Variants in ITGBL1 observed in about 807,000 individuals in gnomAD.
ITGBL1 encodes integrin beta-like protein 1.
ITGBL1 carries 51 observed loss-of-function variants against 68.5 expected under a neutral mutation model. The ratio of observed to expected loss-of-function variants is 0.74; its 90% CI spans 0.59 to 0.94. ITGBL1 has a LOEUF of 0.94. Ranked by LOEUF, ITGBL1 falls within the 40% of genes least tolerant of loss-of-function variation. The pLI is 0.00. For missense variants in ITGBL1, 649 were observed against 647.4 expected (o/e 1.00, Z -0.03); for synonymous variants, 209 against 227.3 (o/e 0.92, Z 0.72).
In ITGBL1 at chr13:101,531,545, C is replaced by T. The variant is rs371712338; in HGVS notation, c.317-36154C>T. 4.7e-5 allele frequency among the ~76,000 whole-genome samples: 7 copies of T among 149,954 alleles called. No individual in the cohort carries two copies. The East Asian group carries it at 1.4e-3, about 30-fold the overall frequency. ...CAGAATTGGAAGTAAGACATTTGCACTCGAAAACAGGGGTAGTTGGTTTCT... is the reference window on the plus strand; with the variant it reads ...CAGAATTGGAAGTAAGACATTTGCATTCGAAAACAGGGGTAGTTGGTTTCT... On this transcript the variant is annotated intron_variant, in intron 2 of 10. Coordinates refer to ENST00000376180, the MANE Select transcript of ITGBL1 (RefSeq NM_004791.3).
intron 2 of ITGBL1, among the ~76,000 whole-genome samples, chr13:101,567,362 C>T (rs1227835729): frequency 1.3e-5 from 2 of 151,768 alleles, no homozygotes; most frequent in Non-Finnish European, 2.9e-5. Flanking sequence ...AGTATTTTTT[C>T]GTTGGACTTT....
chr13:101,706,948 A>G (rs771888899), intron 9 of ITGBL1, 46 bp downstream of exon 9: 4 of 1,586,860 alleles, frequency 2.5e-6, no homozygotes, highest in Admixed American at 3.4e-5. Flanking sequence ...GTTCTGACAC[A>G]TGATTTGTAG....
intron 2 of ITGBL1, among the ~76,000 whole-genome samples, chr13:101,468,205 T>C (rs1048973692): frequency 6.6e-6 from 1 of 152,208 alleles, no homozygotes; most frequent in South Asian, 2.1e-4. Flanking sequence ...ATTAGTTATA[T>C]GAGCTCTAAG....
chr13:101,642,949 C>T (rs2032433406), intron 7 of ITGBL1, among the ~76,000 whole-genome samples: 1 of 149,224 alleles, frequency 6.7e-6, no homozygotes, highest in African/African-American at 2.5e-5. Flanking sequence ...CAGTACCATG[C>T]TGTTTTGGTT....
chr13:101,534,758 G>A (rs2049542739), intron 2 of ITGBL1, among the ~76,000 whole-genome samples: 1 of 152,048 alleles, frequency 6.6e-6, no homozygotes, highest in Non-Finnish European at 1.5e-5. Flanking sequence ...GGCCGTAAAG[G>A]GCTTATTAAG....
chr13:101,719,785 G>A (rs544527848), downstream of ITGBL1: 1 of 152,050 alleles, frequency 6.6e-6, no homozygotes, highest in South Asian at 2.1e-4. Context: ...AAATACAAAT[G>A]AATTCCATCA....
intron 2 of ITGBL1, among the ~76,000 whole-genome samples, chr13:101,520,598 A>G (rs2049269094): frequency 6.6e-6 from 1 of 152,182 alleles, no homozygotes; most frequent in African/African-American, 2.4e-5. Flanking sequence ...ATGTTCTTTT[A>G]AAGGATAACC....
chr13:101,502,675 T>C (rs1031570243), intron 2 of ITGBL1, among the ~76,000 whole-genome samples: 100 of 152,356 alleles, frequency 6.6e-4, no homozygotes, highest in African/African-American at 2.3e-3. Context: ...TAATGCCTTG[T>C]TTGGCAATTA....
intron 2 of ITGBL1, among the ~76,000 whole-genome samples, chr13:101,523,075 A>G (rs1164741200): frequency 1.4e-4 from 21 of 152,224 alleles, no homozygotes. Context: ...ATGCTGCTTT[A>G]TGAAAATTCA....
intron 2 of ITGBL1, among the ~76,000 whole-genome samples, chr13:101,540,446 G>A (rs1227729685): frequency 1.3e-5 from 2 of 152,102 alleles, no homozygotes; most frequent in Non-Finnish European, 2.9e-5. Flanking sequence ...TGCTGTTTTG[G>A]TTACTATAGC....
At chr13:101,481,762 T>G (rs9585712) in intron 2 of ITGBL1, among the ~76,000 whole-genome samples, 10,263 of 152,222 alleles carry the variant, frequency 0.067, 525 homozygotes, top group East Asian at 0.28. Flanking sequence ...TCTTTTTATT[T>G]TGAGTTGTAT....
At chr13:101,542,571 T>C (rs1173291104) in intron 2 of ITGBL1, among the ~76,000 whole-genome samples, 1 of 152,178 alleles carries the variant, frequency 6.6e-6, no homozygotes, top group Non-Finnish European at 1.5e-5. Context: ...GTCTATTAGG[T>C]CTGTTTGATG....
At chr13:101,668,761 TATTC>T (rs918103159) in intron 7 of ITGBL1, among the ~76,000 whole-genome samples, 1 of 152,208 alleles carries the variant, frequency 6.6e-6, no homozygotes, top group African/African-American at 2.4e-5. Flanking sequence ...AATTAAGTAA[TATTC>T]ATAAACTGGA....
At chr13:101,468,580 G>T (rs907419024) in intron 2 of ITGBL1, among the ~76,000 whole-genome samples, 1 of 152,102 alleles carries the variant, frequency 6.6e-6, no homozygotes, top group Admixed American at 6.6e-5. Context: ...CACATATGTA[G>T]GGATAATTTC....
downstream of ITGBL1, chr13:101,719,184 TAAAG>T (rs1436100205): frequency 6.6e-6 from 1 of 152,172 alleles, no homozygotes; most frequent in African/African-American, 2.4e-5. Flanking sequence ...CTAACTTACT[TAAAG>T]AATAAGTTTT....
At chr13:101,510,451 A>G (rs1201594820) in intron 2 of ITGBL1, among the ~76,000 whole-genome samples, 1 of 152,124 alleles carries the variant, frequency 6.6e-6, no homozygotes, top group African/African-American at 2.4e-5. Flanking sequence ...TGCTATTGTG[A>G]ATAGAACAGC....
At chr13:101,459,499 T>G (rs2048288995) in intron 2 of ITGBL1, among the ~76,000 whole-genome samples, 1 of 152,154 alleles carries the variant, frequency 6.6e-6, no homozygotes, top group African/African-American at 2.4e-5. Context: ...CCCAGCACTT[T>G]GGGAGGCTGA....
chr13:101,554,815 A>G (rs932611343), intron 2 of ITGBL1, among the ~76,000 whole-genome samples: 1 of 152,162 alleles, frequency 6.6e-6, no homozygotes, highest in African/African-American at 2.4e-5. Flanking sequence ...CATTTCTCAT[A>G]CTGGCATCAC....
At chr13:101,528,128 G>A (rs947992181) in intron 2 of ITGBL1, among the ~76,000 whole-genome samples, 2 of 151,158 alleles carry the variant, frequency 1.3e-5, no homozygotes, top group African/African-American at 4.8e-5. Flanking sequence ...CAAAGTTATT[G>A]TTTTTATATA....
Sources: allele counts gnomAD v4.1 joint callset (sites outside exome capture counted in the v4.1 genomes callset), GRCh38; gene constraint gnomAD v4.1.1; transcripts MANE v1.5; gene names NCBI Gene and HGNC (gene_info 2026-07-23, HGNC 2026-07-21).